The following ZNF560 variants were observed in gnomAD, a reference collection of about 807,000 sequenced individuals.
ZNF560 encodes zinc finger protein 560.
A neutral mutation model predicts 81.8 loss-of-function variants in ZNF560; 54 were observed. That is an observed-to-expected ratio of 0.66 (90% CI 0.53 to 0.83). The LOEUF is 0.83. Among genes scored for constraint, ZNF560 ranks in the 40% least tolerant of loss-of-function variants. ZNF560 has a pLI of 0.00. For missense variants in ZNF560, 940 were observed against 932.4 expected, an observed-to-expected ratio of 1.01 and a Z score of -0.11; for synonymous variants, 321 against 317.9, an observed-to-expected ratio of 1.01 and a Z score of -0.10.
chr19:9,479,760 C>T (rs1364674020), intron 2 of ZNF560, among the ~76,000 whole-genome samples: 1 of 151,732 alleles, frequency 6.6e-6, no homozygotes, highest in Non-Finnish European at 1.5e-5. Context: ...TTAAGTTTTA[C>T]AGTAATCTAA....
chr19:9,497,025 A>C (rs903766741), intron 2 of ZNF560, among the ~76,000 whole-genome samples: 3 of 152,046 alleles, frequency 2.0e-5, no homozygotes, highest in East Asian at 3.9e-4. Context: ...AGGCACAGAA[A>C]CACAAAGTTG....
At chr19:9,448,850 C>A in the ZNF560 span, among the ~76,000 whole-genome samples, 1 of 152,034 alleles carries the variant, frequency 6.6e-6, no homozygotes, top group Non-Finnish European at 1.5e-5. Context: ...AGCTATCATG[C>A]AAATGCAAAA....
In ZNF560 at chr19:9,468,006, T is replaced by C. The variant is rs1335002331; in HGVS notation, c.941A>G (p.Gln314Arg). 23 of 1,614,058 alleles carry C rather than the reference T, an allele frequency of 1.4e-5. No homozygotes were observed. The highest frequency in any genetic ancestry group is 1.7e-5 in the Admixed American group (1 of 60,008). Residue 314 changes from glutamine to arginine, a missense_variant, in exon 10 of 10, where the codon CAG (glutamine) becomes CGG (arginine). Physicochemically the swap from Gln to Arg is conservative, Grantham distance 43. Coordinates refer to ENST00000301480, the MANE Select transcript of ZNF560 (RefSeq NM_152476.3). ...QSYLEAHRKT[Q>R]SGEKLNEWKQ... ...CCATTCATTGAGTTTTTCTCCACTC[T>C]GAGTTTTCCTGTGTGCTTCAAGGTA...
chr19:9,483,371 G>C (rs1236720445), intron 2 of ZNF560, among the ~76,000 whole-genome samples: 1 of 150,594 alleles, frequency 6.6e-6, no homozygotes, highest in Non-Finnish European at 1.5e-5. Context: ...GAGAAGTGAG[G>C]AGCCCCTCCG....
chr19:9,453,898 G>T, the ZNF560 span, among the ~76,000 whole-genome samples: 1 of 152,188 alleles, frequency 6.6e-6, no homozygotes, highest in African/African-American at 2.4e-5. Flanking sequence ...ACTAAGAAAA[G>T]AATATTGCTT....
upstream of ZNF560, among the ~76,000 whole-genome samples, chr19:9,499,859 C>T (rs2073617093): frequency 1.3e-5 from 2 of 152,138 alleles, no homozygotes. Flanking sequence ...ATCACATTCT[C>T]AGTTTCCTTT....
chr19:9,505,586 T>A, the ZNF560 span, among the ~76,000 whole-genome samples: 1 of 152,250 alleles, frequency 6.6e-6, no homozygotes, highest in Non-Finnish European at 1.5e-5. Flanking sequence ...TGTCTTATAC[T>A]TTTAGCTCCT....
chr19:9,505,788 T>G, the ZNF560 span, among the ~76,000 whole-genome samples: 1 of 152,090 alleles, frequency 6.6e-6, no homozygotes, highest in Non-Finnish European at 1.5e-5. Context: ...CTCAGCCTCC[T>G]GTGTAGCTGG....
At chr19:9,454,500 C>T in the ZNF560 span, among the ~76,000 whole-genome samples, 3 of 152,128 alleles carry the variant, frequency 2.0e-5, no homozygotes, top group Non-Finnish European at 4.4e-5. Context: ...TAAGCAATCC[C>T]CATGGTAAGT....
intron 2 of ZNF560, among the ~76,000 whole-genome samples, chr19:9,488,172 G>A (rs369418204): frequency 6.6e-6 from 1 of 152,280 alleles, no homozygotes; most frequent in East Asian, 1.9e-4. Context: ...TGCTGTTTGT[G>A]TTTGGTCCCT....
downstream of ZNF560, among the ~76,000 whole-genome samples, chr19:9,465,959 A>G (rs953928905): frequency 3.9e-5 from 6 of 152,056 alleles, no homozygotes; most frequent in Non-Finnish European, 7.4e-5. Context: ...ATGCTACTGC[A>G]CTCCAGCCTG....
rs1190501701 is a variant in ZNF560, at chr19:9,467,876, A to C, written c.1071T>G (p.Phe357Leu). ...GATTATTAAGGTGGGTAGGGTATCT[A>C]AAATCTTTTCCACATTCCTTACATT... ...PYECKECGKD[F>L]RYPTHLNNHM... The change falls in exon 10 of 10, where the codon TTT becomes TTG. Residue 357 changes from phenylalanine to leucine, a missense_variant. By Grantham distance (22) the Phe-to-Leu change is conservative (BLOSUM62 0). Transcript: ENST00000301480. 1 of 1,614,072 alleles carries C rather than the reference A, an allele frequency of 6.2e-7. No homozygotes were observed. The highest frequency in any genetic ancestry group is 1.3e-5 in the African/African-American group (1 of 74,920).
chr19:9,459,593 A>T, the ZNF560 span, among the ~76,000 whole-genome samples: 1 of 152,160 alleles, frequency 6.6e-6, no homozygotes, highest in East Asian at 1.9e-4. Context: ...GGGGGCCAAC[A>T]CTAGTATGGA....
At chr19:9,449,395 TG>T in the ZNF560 span, among the ~76,000 whole-genome samples, 1 of 152,200 alleles carries the variant, frequency 6.6e-6, no homozygotes, top group Admixed American at 6.5e-5. Flanking sequence ...TGCTTCTGAA[TG>T]ACTTTTGGGT....
upstream of ZNF560, among the ~76,000 whole-genome samples, chr19:9,500,394 C>CA (rs767714516): frequency 0.57 from 46,555 of 82,374 alleles, 11,642 homozygotes; most frequent in Non-Finnish European, 0.63. Flanking sequence ...AACTTCATCT[C>CA]AAAAAAAAAA....
chr19:9,470,412 T>C lies in ZNF560; in HGVS notation c.428A>G (p.Tyr143Cys). 1.9e-6 allele frequency: 3 copies of C among 1,613,168 alleles called. No individual in the cohort carries two copies. The highest frequency in any genetic ancestry group is 1.7e-6 in the Non-Finnish European group (2 of 1,179,544). Residue 143 changes from tyrosine (Y) to cysteine (C), a missense_variant, in exon 7 of 10, where the codon TAC becomes TGC. By Grantham distance (194) the Tyr-to-Cys change is radical. Transcript: ENST00000301480. ...CTTACCTACTGAGGACAGGTTCTTG[T>C]AGTTCTCCAGCATCACATCACTGTA... ...NLYSDVMLEN[Y>C]KNLSSVGYQL...
the ZNF560 span, among the ~76,000 whole-genome samples, chr19:9,504,620 ATCT>A: frequency 1.3e-5 from 2 of 152,012 alleles, no homozygotes; most frequent in Non-Finnish European, 2.9e-5. Context: ...GTCCTTACTG[ATCT>A]TCTATGTAGA....
the ZNF560 span, among the ~76,000 whole-genome samples, chr19:9,452,003 G>A: frequency 4.3e-4 from 65 of 152,208 alleles, no homozygotes; most frequent in African/African-American, 1.5e-3. Context: ...TTGAATCCAA[G>A]AGGCGGAGGT....
intron 2 of ZNF560, among the ~76,000 whole-genome samples, chr19:9,481,221 G>T (rs1248483425): frequency 1.3e-5 from 2 of 152,124 alleles, no homozygotes; most frequent in Non-Finnish European, 2.9e-5. Context: ...CTAGCCATAT[G>T]TAGAAAGCTG....
Sources: allele counts gnomAD v4.1 joint callset (sites outside exome capture counted in the v4.1 genomes callset), GRCh38; gene constraint gnomAD v4.1.1; transcripts MANE v1.5; gene names NCBI Gene and HGNC (gene_info 2026-07-23, HGNC 2026-07-21).